The following INTS4 variants were observed in gnomAD, a reference collection of about 807,000 sequenced individuals.
INTS4 encodes the protein MSTP093.
Under a neutral mutation model 119.5 loss-of-function variants are expected in INTS4, and 70 were observed. That is an observed-to-expected ratio of 0.59 (90% CI 0.48 to 0.71). The LOEUF is 0.71. Among genes scored for constraint, INTS4 ranks in the 30% least tolerant of loss-of-function variants. The pLI, the probability that INTS4 is intolerant of heterozygous loss-of-function variation, is 0.00. For synonymous variants in INTS4, 316 were observed against 419.6 expected, an observed-to-expected ratio of 0.75 and a Z score of 3.02; for missense variants, 867 against 1,173.2, an observed-to-expected ratio of 0.74 and a Z score of 3.81.
At chr11:77,990,858 TCA>T (rs1329568876) in intron 2 of INTS4, among the ~76,000 whole-genome samples, 2 of 152,182 alleles carry the variant, frequency 1.3e-5, no homozygotes, top group Non-Finnish European at 2.9e-5. Flanking sequence ...CATACTGCAC[TCA>T]CAGTAACTTC....
chr11:77,964,222 C>T (rs764895646), intron 4 of INTS4, among the ~76,000 whole-genome samples: 4 of 152,098 alleles, frequency 2.6e-5, no homozygotes, highest in Non-Finnish European at 4.4e-5. Flanking sequence ...TCCAAAAGCA[C>T]GACTTTCTTC....
intron 21 of INTS4, among the ~76,000 whole-genome samples, chr11:77,887,930 A>C (rs1952088322): frequency 6.6e-6 from 1 of 152,232 alleles, no homozygotes; most frequent in South Asian, 2.1e-4. Context: ...AAGAGGATAC[A>C]AACAAATGGA....
At chr11:77,918,455 C>T (rs1485736129) in intron 15 of INTS4, 1 of 279,330 alleles carries the variant, frequency 3.6e-6, no homozygotes, top group African/African-American at 2.3e-5. Flanking sequence ...AAGCCTAGAT[C>T]CCTGATGGTC....
intron 8 of INTS4, among the ~76,000 whole-genome samples, chr11:77,942,105 A>G (rs1462390792): frequency 6.6e-6 from 1 of 152,186 alleles, no homozygotes. Context: ...CCATTCAATT[A>G]TATGTCTACA....
At chr11:77,921,956 G>A (rs560292877) in intron 13 of INTS4, among the ~76,000 whole-genome samples, 1 of 152,260 alleles carries the variant, frequency 6.6e-6, no homozygotes, top group African/African-American at 2.4e-5. Context: ...ATTTGAATCC[G>A]GGAGGCGGAG....
In INTS4 at chr11:77,979,146, G is replaced by C. The variant is rs1441088156; in HGVS notation, c.365-44C>G. ...AGTTGGCTTGTAGAATTTCGAAAGG[G>C]GTAACTATATAAACTAATTTACTTG... On this transcript the variant is annotated intron_variant, in intron 3 of 22. Transcript: ENST00000534064. The C allele has an allele frequency of 6.3e-6, 7 of 1,112,470 alleles. No homozygotes were observed. In the Admixed American group the frequency reaches 1.2e-4, roughly 19 times the overall value. 68.9% of individuals were successfully genotyped at this position (1,112,470 alleles called of 1,614,324 possible).
intron 15 of INTS4, among the ~76,000 whole-genome samples, chr11:77,908,623 G>C (rs879841390): frequency 9.9e-5 from 15 of 152,122 alleles, no homozygotes; most frequent in East Asian, 1.9e-4. Flanking sequence ...CACCGCCCCC[G>C]GCCCAAGTAA....
intron 15 of INTS4, among the ~76,000 whole-genome samples, chr11:77,908,154 T>G (rs1565237006): frequency 6.6e-6 from 1 of 152,140 alleles, no homozygotes; most frequent in African/African-American, 2.4e-5. Context: ...ATGTGGACTA[T>G]TATAGTAAAA....
intron 2 of INTS4, among the ~76,000 whole-genome samples, chr11:77,982,410 T>G (rs1856280927): frequency 6.6e-6 from 1 of 152,096 alleles, no homozygotes; most frequent in East Asian, 1.9e-4. Flanking sequence ...AATGCTGGAA[T>G]TACAGGTGTG....
At chr11:77,949,099 A>G (rs1338369512) in intron 8 of INTS4, among the ~76,000 whole-genome samples, 1 of 152,220 alleles carries the variant, frequency 6.6e-6, no homozygotes, top group Non-Finnish European at 1.5e-5. Flanking sequence ...CCTAGGCAAC[A>G]GAGCAAGACC....
chr11:77,964,590 AT>A (rs1187774903), intron 4 of INTS4, among the ~76,000 whole-genome samples: 2 of 151,646 alleles, frequency 1.3e-5, no homozygotes, highest in African/African-American at 4.8e-5. Flanking sequence ...AAAAATAAAA[AT>A]AAAAAATAAA....
At chr11:77,954,091 C>T (rs1475305615) in intron 8 of INTS4, among the ~76,000 whole-genome samples, 7 of 152,108 alleles carry the variant, frequency 4.6e-5, no homozygotes, top group East Asian at 1.9e-4. Context: ...GGATTATAGG[C>T]GTGAGCCACA....
intron 15 of INTS4, among the ~76,000 whole-genome samples, chr11:77,908,607 G>A (rs949298626): frequency 4.6e-5 from 7 of 152,240 alleles, no homozygotes; most frequent in Admixed American, 1.3e-4. Flanking sequence ...GATTACAGGC[G>A]TGAGCCACCG....
chr11:77,965,223 T>C (rs988920959), intron 4 of INTS4, among the ~76,000 whole-genome samples: 1 of 152,120 alleles, frequency 6.6e-6, no homozygotes, highest in Admixed American at 6.6e-5. Flanking sequence ...AGCTACTTTT[T>C]TTACTTCTGT....
At chr11:77,963,314 A>T (rs1855327729) in intron 4 of INTS4, 2 of 365,132 alleles carry the variant, frequency 5.5e-6, no homozygotes, top group Admixed American at 4.5e-5. Flanking sequence ...ATCATTAAGA[A>T]CTGCTTTTCT....
chr11:77,963,352 CAAAAAAAAA>C (rs777966254), intron 4 of INTS4: 2 of 170,238 alleles, frequency 1.2e-5, no homozygotes, highest in Non-Finnish European at 1.0e-5. Flanking sequence ...GACTCCGTCT[CAAAAAAAAA>C]AAAAAAAAAA....
At chr11:77,958,976 C>G in intron 6 of INTS4, 142 bp from the exon 7 acceptor site, 1 of 639,850 alleles carries the variant, frequency 1.6e-6, no homozygotes, top group South Asian at 1.8e-5. Flanking sequence ...GGAATCTTTG[C>G]TTAAAAATGA....
chr11:77,956,028 G>C lies in INTS4; in HGVS notation c.832C>G (p.Arg278Gly). 2 of 1,604,640 alleles carry C rather than the reference G, an allele frequency of 1.2e-6. No individual in the cohort carries two copies. Among genetic ancestry groups the C allele is most frequent in the East Asian group, 4.5e-5 (2 of 44,854 alleles). The change falls in exon 8 of 23, where the codon CGC (arginine) becomes GGC (glycine). Residue 278 changes from arginine to glycine, a missense_variant. Coordinates refer to ENST00000534064, the MANE Select transcript of INTS4 (RefSeq NM_033547.4). ...VPIPSSNEEI[R>G]LVDDAFGKIC... is the part of the protein sequence containing the mutation. Reference sequence around the variant, plus strand: ...TTGCCAAACGCATCATCAACTAAGCGTATTTCTTCATTAGAAGAAGGAATT... The same window carrying C: ...TTGCCAAACGCATCATCAACTAAGCCTATTTCTTCATTAGAAGAAGGAATT...
intron 4 of INTS4, among the ~76,000 whole-genome samples, chr11:77,977,554 C>T (rs1247852388): frequency 6.6e-6 from 1 of 151,776 alleles, no homozygotes; most frequent in African/African-American, 2.4e-5. Context: ...GAAAAAAAAT[C>T]AGAAAGCCAT....
Sources: gnomAD v4.1 joint callset for allele counts (sites outside exome capture counted in the v4.1 genomes callset) on GRCh38, gnomAD v4.1.1 for gene constraint, MANE v1.5 for transcripts, NCBI Gene and HGNC (gene_info 2026-07-23, HGNC 2026-07-21) for gene names.